Variants in RABEP1 observed in about 807,000 individuals in gnomAD.
RABEP1 encodes rabaptin, RAB GTPase binding effector protein 1.
Under a neutral mutation model 123.4 loss-of-function variants are expected in RABEP1, and 51 were observed. The observed-to-expected ratio is 0.41, with a 90% CI of 0.33 to 0.52. The LOEUF (loss-of-function observed/expected upper bound fraction) is 0.52. RABEP1 is among the 20% of genes least tolerant of loss of function. RABEP1 has a pLI of 0.16. For synonymous variants in RABEP1, 347 were observed against 355.2 expected (o/e 0.98, Z 0.26); for missense variants, 888 against 996.3 (o/e 0.89, Z 1.46).
chr17:5,351,461 G>A (rs555066974), intron 7 of RABEP1, among the ~76,000 whole-genome samples: 1 of 152,200 alleles, frequency 6.6e-6, no homozygotes, highest in African/African-American at 2.4e-5. Flanking sequence ...TATACATTTA[G>A]GGTGTAGTTT....
intron 1 of RABEP1, among the ~76,000 whole-genome samples, chr17:5,302,235 A>C (rs1279878715): frequency 8.9e-6 from 1 of 112,350 alleles, no homozygotes; most frequent in Non-Finnish European, 1.8e-5. Flanking sequence ...GGGGAATGTT[A>C]CTGAAAACAT....
In RABEP1 at chr17:5,383,332, G is replaced by C. The variant is rs906074748; in HGVS notation, c.*109G>C. The C allele has an allele frequency of 3.4e-6, 3 of 881,846 alleles. No individual in the cohort carries two copies. The highest frequency in any genetic ancestry group is 3.4e-5 in the African/African-American group (2 of 59,624). The allele number at this position is 881,846 out of a possible 1,614,324, so 54.6% of individuals were successfully genotyped here. ...TGAAGAAAGAGAAGTCACAACAAAA[G>C]GAAGACTGGAGAAATGCTTACTTCT... On this transcript the variant is annotated 3_prime_UTR_variant, in exon 18 of 18. Coordinates refer to ENST00000537505, the MANE Select transcript of RABEP1 (RefSeq NM_004703.6).
Position 5,282,319 on chromosome 17 carries a change from C to A in RABEP1, c.-168C>A, listed in dbSNP as rs950085853. ...GGAGGCGGAGGTCGGCGGTCGGGTC[C>A]GTCTCTGCCCGCGGCTGTGGCGGCG... On this transcript the variant is annotated 5_prime_UTR_variant, in exon 1 of 18. Coordinates refer to ENST00000537505, the MANE Select transcript of RABEP1 (RefSeq NM_004703.6). The A allele has an allele frequency of 1.1e-5, 5 of 455,374 alleles. No homozygotes were observed. Among genetic ancestry groups the A allele is most frequent in the South Asian group, 8.3e-5 (1 of 11,990 alleles). 28.2% of individuals were successfully genotyped at this position (455,374 alleles called of 1,614,324 possible). A position where few individuals can be genotyped will look rare whatever the true frequency, so the allele number is the denominator to read the frequency against.
At chr17:5,294,308 C>G (rs1177585127) in intron 1 of RABEP1, among the ~76,000 whole-genome samples, 1 of 152,040 alleles carries the variant, frequency 6.6e-6, no homozygotes, top group Non-Finnish European at 1.5e-5. Context: ...TGCTTGAACC[C>G]GGGAGGCGGA....
intron 2 of RABEP1, among the ~76,000 whole-genome samples, chr17:5,313,618 G>A (rs182105094): frequency 3.9e-4 from 59 of 152,288 alleles, no homozygotes; most frequent in African/African-American, 1.3e-3. Context: ...CTTGTAACAT[G>A]GGTTGGTTCA....
chr17:5,314,373 G>GCTGGGA (rs2075275364), intron 2 of RABEP1, among the ~76,000 whole-genome samples: 2 of 149,576 alleles, frequency 1.3e-5, no homozygotes, highest in Admixed American at 1.4e-4. Context: ...CTCCTAAGTA[G>GCTGGGA]CTGGGACTAC....
At chr17:5,320,027 G>T (rs1334792871) in intron 2 of RABEP1, among the ~76,000 whole-genome samples, 1 of 151,990 alleles carries the variant, frequency 6.6e-6, no homozygotes, top group Admixed American at 6.6e-5. Context: ...ATGCAGGAAG[G>T]CCAGAGGACA....
chr17:5,363,125 C>A, intron 10 of RABEP1, 109 bp downstream of exon 10: 1 of 780,538 alleles, frequency 1.3e-6, no homozygotes, highest in Non-Finnish European at 2.2e-6. Flanking sequence ...TGAAGCATAT[C>A]CATCTTGTTA....
At chr17:5,341,148 G>T (rs1254908675) in intron 5 of RABEP1, among the ~76,000 whole-genome samples, 2 of 151,996 alleles carry the variant, frequency 1.3e-5, no homozygotes, top group Non-Finnish European at 2.9e-5. Context: ...GAGTGTAGAG[G>T]CTCATGCCTG....
At chr17:5,328,953 T>C (rs1906245778) in intron 2 of RABEP1, among the ~76,000 whole-genome samples, 1 of 150,910 alleles carries the variant, frequency 6.6e-6, no homozygotes, top group South Asian at 2.1e-4. Context: ...AAATAAATTA[T>C]TAGTATAACC....
intron 2 of RABEP1, among the ~76,000 whole-genome samples, chr17:5,330,885 G>A (rs570754892): frequency 2.0e-5 from 3 of 151,956 alleles, no homozygotes; most frequent in Non-Finnish European, 4.4e-5. Flanking sequence ...TTAGCCGGGC[G>A]TGATGGTGCA....
intron 9 of RABEP1, 48 bp from the exon 10 acceptor site, chr17:5,362,864 G>A (rs767471261): frequency 8.3e-7 from 1 of 1,205,314 alleles, no homozygotes; most frequent in Non-Finnish European, 1.2e-6. Flanking sequence ...TCAAGTGTGT[G>A]ATGTAGAATT....
intron 12 of RABEP1, among the ~76,000 whole-genome samples, chr17:5,371,861 A>C (rs1910553673): frequency 6.6e-6 from 1 of 152,100 alleles, no homozygotes; most frequent in South Asian, 2.1e-4. Flanking sequence ...GAGCTTCTCC[A>C]GGGCAAAGTC....
At chr17:5,370,102 G>A (rs903660025) in intron 12 of RABEP1, among the ~76,000 whole-genome samples, 6 of 152,170 alleles carry the variant, frequency 3.9e-5, no homozygotes, top group African/African-American at 1.4e-4. Flanking sequence ...TTGAAATTAA[G>A]GTTGAGGTCC....
intron 1 of RABEP1, among the ~76,000 whole-genome samples, chr17:5,296,706 G>T (rs1000827841): frequency 6.6e-6 from 1 of 152,164 alleles, no homozygotes; most frequent in African/African-American, 2.4e-5. Flanking sequence ...ATCTTAACTT[G>T]TATAGCTATT....
intron 5 of RABEP1, among the ~76,000 whole-genome samples, chr17:5,341,447 A>T (rs1196624242): frequency 6.6e-6 from 1 of 152,242 alleles, no homozygotes; most frequent in African/African-American, 2.4e-5. Flanking sequence ...GTGGATCTAG[A>T]GTAAAAAATC....
rs80140180 is a variant in RABEP1 at position 5,363,644 on chromosome 17, T to C, written c.1668+628T>C. ...TTTTAAGTACATGGCAAGTACTTTA[T>C]GATATGGAGATCTCAGGGAGATAAA... is the stretch of plus-strand genomic sequence containing the variant. On this transcript the variant is annotated intron_variant, in intron 10 of 17. Transcript: ENST00000537505. Among the ~76,000 whole-genome samples, 958 of 152,326 alleles carry C rather than the reference T, an allele frequency of 6.3e-3. 10 individuals are homozygous for C. Among genetic ancestry groups the C allele is most frequent in the African/African-American group, 0.022 (905 of 41,564 alleles).
chr17:5,376,643 C>T (rs953368660), intron 13 of RABEP1, among the ~76,000 whole-genome samples: 10 of 152,110 alleles, frequency 6.6e-5, no homozygotes, highest in African/African-American at 2.2e-4. Flanking sequence ...AGTACTTTGC[C>T]TCTGGTAGAT....
In RABEP1 at chr17:5,282,423, C is replaced by A. The variant is rs1487301293; in HGVS notation, c.-64C>A. ...GTTGACGCCTCCTCCGCCAGCTGAG[C>A]CCGCGGGAGCCCAGGACGCCGCTTC... On this transcript the variant is annotated 5_prime_UTR_variant, in exon 1 of 18. Coordinates refer to ENST00000537505, the MANE Select transcript of RABEP1 (RefSeq NM_004703.6). 3.2e-6 allele frequency: 4 copies of A among 1,253,472 alleles called. No homozygotes were observed. The highest frequency in any genetic ancestry group is 4.2e-6 in the Non-Finnish European group (4 of 955,636). 77.6% of individuals were successfully genotyped at this position (1,253,472 alleles called of 1,614,324 possible).
Sources: gnomAD v4.1 joint callset for allele counts (sites outside exome capture counted in the v4.1 genomes callset) on GRCh38, gnomAD v4.1.1 for gene constraint, MANE v1.5 for transcripts, NCBI Gene and HGNC (gene_info 2026-07-23, HGNC 2026-07-21) for gene names.